TSC22D1: variants seen among roughly 807,000 people sequenced by gnomAD.
The protein encoded by TSC22D1 is TSC22 domain family member 1.
TSC22D1 carries 9 observed loss-of-function variants against 74.2 expected under a neutral mutation model. The ratio of observed to expected loss-of-function variants is 0.12; its 90% CI spans 0.07 to 0.21. TSC22D1 has a LOEUF of 0.21. Among genes scored for constraint, TSC22D1 ranks in the 10% least tolerant of loss-of-function variants. TSC22D1 has a pLI of 1.00. For missense variants in TSC22D1, 1,427 were observed against 1,304.7 expected (o/e 1.09, Z -1.44); for synonymous variants, 586 against 492.5 (o/e 1.19, Z -2.51).
intron 1 of TSC22D1, among the ~76,000 whole-genome samples, chr13:44,513,186 T>C (rs889059693): frequency 2.6e-5 from 4 of 152,218 alleles, no homozygotes; most frequent in Non-Finnish European, 5.9e-5. Flanking sequence ...CACTAAAAAA[T>C]GTCCTTGTAA....
intron 1 of TSC22D1, among the ~76,000 whole-genome samples, chr13:44,571,193 A>G (rs1883739741): frequency 6.6e-6 from 1 of 152,218 alleles, no homozygotes; most frequent in Admixed American, 6.5e-5. Flanking sequence ...GAATGTGTAC[A>G]GTGTCTGAAG....
At chr13:44,530,814 TTAGAG>T (rs1880796018) in intron 1 of TSC22D1, among the ~76,000 whole-genome samples, 1 of 152,146 alleles carries the variant, frequency 6.6e-6, no homozygotes, top group Non-Finnish European at 1.5e-5. Context: ...TACACACCTA[TTAGAG>T]TAGCTACAAC....
chr13:44,545,598 A>AG (rs1454585760), intron 1 of TSC22D1, among the ~76,000 whole-genome samples: 1 of 151,560 alleles, frequency 6.6e-6, no homozygotes, highest in Non-Finnish European at 1.5e-5. Context: ...AAAAAAAAAA[A>AG]GGATAATCTT....
chr13:44,516,530 C>A (rs188350450), intron 1 of TSC22D1, among the ~76,000 whole-genome samples: 1 of 152,148 alleles, frequency 6.6e-6, no homozygotes, highest in Admixed American at 6.6e-5. Context: ...GACACCCAGG[C>A]CATTTTCAAA....
At chr13:44,501,310 C>A (rs138860329) in intron 1 of TSC22D1, among the ~76,000 whole-genome samples, 1 of 152,184 alleles carries the variant, frequency 6.6e-6, no homozygotes, top group Admixed American at 6.5e-5. Context: ...AAATGTCACA[C>A]ATCAGAGAGA....
At chr13:44,472,097 CTGT>C (rs753013045) in intron 1 of TSC22D1, among the ~76,000 whole-genome samples, 46 of 152,254 alleles carry the variant, frequency 3.0e-4, no homozygotes, top group Middle Eastern at 6.8e-3. Flanking sequence ...TGTTCTATTA[CTGT>C]TGTTGTTAAT....
At chr13:44,562,721 T>C (rs923512266) in intron 1 of TSC22D1, among the ~76,000 whole-genome samples, 1 of 152,346 alleles carries the variant, frequency 6.6e-6, no homozygotes, top group East Asian at 1.9e-4. Context: ...AAAATATTCA[T>C]ATTAGTTCGC....
intron 1 of TSC22D1, among the ~76,000 whole-genome samples, chr13:44,570,682 G>A (rs1883704060): frequency 6.6e-6 from 1 of 152,090 alleles, no homozygotes; most frequent in African/African-American, 2.4e-5. Flanking sequence ...ATCCTCATCT[G>A]TCCTACTGCC....
chr13:44,491,950 ATCT>A (rs940454773), intron 1 of TSC22D1, among the ~76,000 whole-genome samples: 1 of 152,202 alleles, frequency 6.6e-6, no homozygotes, highest in African/African-American at 2.4e-5. Flanking sequence ...CACTATACAT[ATCT>A]TCTTAAGCAC....
In TSC22D1 at chr13:44,576,196, TCTCCTC is replaced by T. The variant is rs924473922; in HGVS notation, c.-128_-123del. The stretch of plus-strand genomic sequence containing the variant: ...CGCTCCGCCTGGCGCGATTCCTCCT[TCTCCTC>T]CTCCTCAGCCAAAGGCGCCGGTCGC... On this transcript the variant is annotated 5_prime_UTR_variant, in exon 1 of 3. Coordinates refer to ENST00000458659, the MANE Select transcript of TSC22D1 (RefSeq NM_183422.4). 150 of 1,351,388 alleles carry T rather than the reference TCTCCTC, an allele frequency of 1.1e-4. No homozygotes were observed. The African/African-American group carries it at 1.8e-3, about 17-fold the overall frequency. 83.7% of individuals were successfully genotyped at this position (1,351,388 alleles called of 1,614,324 possible).
chr13:44,549,802 C>A (rs9533902), intron 1 of TSC22D1, among the ~76,000 whole-genome samples: 15,692 of 149,520 alleles, frequency 0.1, 911 homozygotes, highest in Non-Finnish European at 0.12. Context: ...AAGAAGAAGG[C>A]GGCGGCGGCA....
At chr13:44,502,523 T>C (rs903992987) in intron 1 of TSC22D1, among the ~76,000 whole-genome samples, 1 of 152,210 alleles carries the variant, frequency 6.6e-6, no homozygotes, top group Non-Finnish European at 1.5e-5. Context: ...ACCAATGCTA[T>C]TCCAGAACCA....
chr13:44,462,431 G>C (rs960731047), intron 1 of TSC22D1, among the ~76,000 whole-genome samples: 1 of 152,114 alleles, frequency 6.6e-6, no homozygotes, highest in African/African-American at 2.4e-5. Context: ...AAAGAAAGAA[G>C]TACTGATATA....
chr13:44,494,405 A>AAAAAAAAAAT (rs1878869926), intron 1 of TSC22D1, among the ~76,000 whole-genome samples: 1 of 138,572 alleles, frequency 7.2e-6, no homozygotes, highest in African/African-American at 2.7e-5. Context: ...AAAAAAAAAA[A>AAAAAAAAAAT]AGATTAGCCA....
At chr13:44,542,693 TGAG>T (rs1485479581) in intron 1 of TSC22D1, among the ~76,000 whole-genome samples, 2 of 152,108 alleles carry the variant, frequency 1.3e-5, no homozygotes, top group Non-Finnish European at 2.9e-5. Context: ...TTGAAATCAC[TGAG>T]GAGAGCTGGT....
chr13:44,470,408 A>C (rs919801671), intron 1 of TSC22D1, among the ~76,000 whole-genome samples: 3 of 152,168 alleles, frequency 2.0e-5, no homozygotes, highest in Admixed American at 1.3e-4. Context: ...TTGGATTCGA[A>C]AGGAAAATAG....
At position 44,432,405 on chromosome 13, in the gene TSC22D1, A is replaced by G. The variant is rs1473102529; in HGVS notation, c.*2221T>C. ...TATTCACTATAGTTTTTTCAAGGAA[A>G]TGTAATTACTACGTAAGTATTCCTT... is the stretch of plus-strand genomic sequence containing the variant. On this transcript the variant is annotated 3_prime_UTR_variant, in exon 3 of 3. Transcript: ENST00000458659. The G allele has an allele frequency of 6.6e-6, 1 of 152,240 alleles. No homozygotes were observed. The highest frequency in any genetic ancestry group is 2.4e-5 in the African/African-American group (1 of 41,464). The allele number at this position is 152,240 out of a possible 1,614,324, so 9.4% of individuals were successfully genotyped here.
In TSC22D1 at chr13:44,574,286, T is replaced by A. The variant is rs759040921; in HGVS notation, c.1789A>T (p.Ile597Phe). 16 of 1,614,066 alleles carry A rather than the reference T, an allele frequency of 9.9e-6. No homozygotes were observed. In the African/African-American group the frequency reaches 2.0e-4, roughly 20 times the overall value. ...VTSALGQQPS[I>F]SSLAQPQLPY... ...AGCTGGGGTTGAGCCAAACTGGAAATGGAAGGCTGCTGACCTAAAGCTGAA... is the reference window on the plus strand; with the variant it reads ...AGCTGGGGTTGAGCCAAACTGGAAAAGGAAGGCTGCTGACCTAAAGCTGAA... Residue 597 changes from isoleucine to phenylalanine, a missense_variant, in exon 1 of 3, where the codon ATT (isoleucine) becomes TTT (phenylalanine). Physicochemically the swap from Ile to Phe is conservative, Grantham distance 21. Transcript: ENST00000458659.
intron 1 of TSC22D1, among the ~76,000 whole-genome samples, chr13:44,480,583 C>T (rs1251932386): frequency 6.6e-6 from 1 of 152,030 alleles, no homozygotes; most frequent in Non-Finnish European, 1.5e-5. Context: ...AGGTAGAGTA[C>T]ATGTTGGTAC....
Sources: gnomAD v4.1 joint callset for allele counts (sites outside exome capture counted in the v4.1 genomes callset) on GRCh38, gnomAD v4.1.1 for gene constraint, MANE v1.5 for transcripts, NCBI Gene and HGNC (gene_info 2026-07-23, HGNC 2026-07-21) for gene names.